The following BNC2 variants were observed in gnomAD, a reference collection of about 807,000 sequenced individuals.
BNC2 encodes the protein basonuclin zinc finger protein 2.
BNC2 carries 20 observed loss-of-function variants against 76.3 expected under a neutral mutation model. That is an observed-to-expected ratio of 0.26 (90% CI 0.18 to 0.38). BNC2 has a LOEUF of 0.38. BNC2 is among the 10% of genes least tolerant of loss of function. The pLI is 1.00. For synonymous variants in BNC2, 582 were observed against 514.8 expected (o/e 1.13, Z -1.77); for missense variants, 1,382 against 1,399.8 (o/e 0.99, Z 0.20).
chr9:16,732,397 AGTTCTATGTAAATATAT>A (rs1189139795), intron 2 of BNC2, among the ~76,000 whole-genome samples: 2 of 152,190 alleles, frequency 1.3e-5, no homozygotes, highest in African/African-American at 4.8e-5. Flanking sequence ...AACCTCATTG[AGTTCTATGTAAATATAT>A]ATGATTTTAT....
intron 4 of BNC2, among the ~76,000 whole-genome samples, chr9:16,555,950 G>C (rs892102358): frequency 5.9e-5 from 9 of 152,148 alleles, no homozygotes; most frequent in South Asian, 2.1e-4. Flanking sequence ...GTTATAGCAA[G>C]AAAGCAGCCA....
intron 2 of BNC2, among the ~76,000 whole-genome samples, chr9:16,732,913 AT>A (rs1241169079): frequency 6.6e-6 from 1 of 152,198 alleles, no homozygotes; most frequent in Non-Finnish European, 1.5e-5. Flanking sequence ...ATCCAATCTT[AT>A]ATGTGGACTC....
rs1817563139 is a variant in BNC2 at position 16,793,362 on chromosome 9, AT to A, written c.4-54878del. ...AACCATACAAACCAAACACGAATGT[AT>A]TTACCCCATCACACCTTTCATCAAG... On this transcript the variant is annotated intron_variant, in intron 1 of 6. Transcript: ENST00000380672. Among the ~76,000 whole-genome samples, 4 of 152,360 alleles carry A rather than the reference AT, an allele frequency of 2.6e-5. No individual in the cohort carries two copies. The South Asian group carries it at 8.3e-4, about 32-fold the overall frequency.
chr9:16,775,208 G>T (rs994466453), intron 1 of BNC2, among the ~76,000 whole-genome samples: 1 of 152,128 alleles, frequency 6.6e-6, no homozygotes, highest in Non-Finnish European at 1.5e-5. Context: ...TGATACTGAT[G>T]CATGCTCAAG....
At chr9:16,744,860 C>CT (rs1174140535) in intron 1 of BNC2, among the ~76,000 whole-genome samples, 2 of 152,224 alleles carry the variant, frequency 1.3e-5, no homozygotes, top group African/African-American at 4.8e-5. Flanking sequence ...ATCATGCCCA[C>CT]ATATGCAAAC....
chr9:16,810,291 CA>C lies in BNC2; in HGVS notation c.3+60354del, dbSNP rs528981650. Among the ~76,000 whole-genome samples, 8 of 152,294 alleles carry C rather than the reference CA, an allele frequency of 5.3e-5. No individual in the cohort carries two copies. The East Asian group carries it at 1.5e-3, about 29-fold the overall frequency. The stretch of plus-strand genomic sequence containing the variant: ...TTTTCTCCCCGTTCATTTACCTTGG[CA>C]GGGGTGGGGCTAGAAGCTGAGGTGA... On this transcript the variant is annotated intron_variant, in intron 1 of 6. Transcript: ENST00000380672.
At chr9:16,705,418 G>GC (rs1287324430) in intron 3 of BNC2, among the ~76,000 whole-genome samples, 2 of 152,116 alleles carry the variant, frequency 1.3e-5, no homozygotes, top group Non-Finnish European at 2.9e-5. Context: ...GCCTTATCCA[G>GC]CAACACCCTG....
chr9:16,732,622 G>C (rs1824549680), intron 2 of BNC2, among the ~76,000 whole-genome samples: 2 of 152,190 alleles, frequency 1.3e-5, no homozygotes, highest in African/African-American at 2.4e-5. Context: ...ACTGTTAACA[G>C]ATTCTATAAT....
At chr9:16,549,768 CA>C (rs1345601156) in intron 5 of BNC2, among the ~76,000 whole-genome samples, 1 of 151,712 alleles carries the variant, frequency 6.6e-6, no homozygotes, top group Non-Finnish European at 1.5e-5. Context: ...CTTTTTTTTC[CA>C]AACCGAGAAC....
At chr9:16,731,402 C>A (rs1016758882) in intron 2 of BNC2, among the ~76,000 whole-genome samples, 2 of 152,188 alleles carry the variant, frequency 1.3e-5, no homozygotes, top group African/African-American at 4.8e-5. Flanking sequence ...CTAGGTTTCA[C>A]TGCATCCAAG....
At chr9:16,599,360 C>G (rs1292620976) in intron 3 of BNC2, among the ~76,000 whole-genome samples, 1 of 152,234 alleles carries the variant, frequency 6.6e-6, no homozygotes, top group Non-Finnish European at 1.5e-5. Context: ...AATACTCTCT[C>G]TTGCTGCAAG....
At chr9:16,770,671 C>G (rs1315967362) in intron 1 of BNC2, among the ~76,000 whole-genome samples, 1 of 150,384 alleles carries the variant, frequency 6.6e-6, no homozygotes, top group African/African-American at 2.5e-5. Context: ...TTTTTTCCAG[C>G]ATGGGCAACA....
At chr9:16,864,502 G>A (rs1268220631) in intron 1 of BNC2, among the ~76,000 whole-genome samples, 1 of 152,158 alleles carries the variant, frequency 6.6e-6, no homozygotes, top group Non-Finnish European at 1.5e-5. Context: ...CCCCGCACAG[G>A]CAAATCTTGG....
At chr9:16,456,734 C>T (rs1251394065) in intron 5 of BNC2, among the ~76,000 whole-genome samples, 1 of 152,030 alleles carries the variant, frequency 6.6e-6, no homozygotes, top group Non-Finnish European at 1.5e-5. Flanking sequence ...TGGAGATAGA[C>T]ATGAAAAACT....
chr9:16,546,037 C>T (rs971009692), intron 5 of BNC2, among the ~76,000 whole-genome samples: 21 of 152,140 alleles, frequency 1.4e-4, no homozygotes, highest in East Asian at 5.8e-4. Flanking sequence ...TTGATACTAA[C>T]GCCTAAAATG....
intron 4 of BNC2, among the ~76,000 whole-genome samples, chr9:16,574,196 G>C (rs1377380770): frequency 6.6e-6 from 1 of 152,140 alleles, no homozygotes; most frequent in African/African-American, 2.4e-5. Flanking sequence ...AGTTAATTAA[G>C]ATGCTCCTAT....
chr9:16,539,684 AAGG>A (rs1818248426), intron 5 of BNC2, among the ~76,000 whole-genome samples: 1 of 97,448 alleles, frequency 1.0e-5, no homozygotes, highest in African/African-American at 5.5e-5. Context: ...GGGAGGAAGG[AAGG>A]AAGGGAGAAA....
At chr9:16,767,070 C>A (rs1825715014) in intron 1 of BNC2, among the ~76,000 whole-genome samples, 1 of 152,258 alleles carries the variant, frequency 6.6e-6, no homozygotes, top group South Asian at 2.1e-4. Flanking sequence ...ACCTAAGCAT[C>A]TCTGAACATT....
At chr9:16,724,094 G>C (rs1824245144) in intron 3 of BNC2, among the ~76,000 whole-genome samples, 1 of 151,848 alleles carries the variant, frequency 6.6e-6, no homozygotes, top group African/African-American at 2.4e-5. Flanking sequence ...ACCTTATTAA[G>C]GGATCTACAT....
Sources: gnomAD v4.1 joint callset for allele counts (sites outside exome capture counted in the v4.1 genomes callset) on GRCh38, gnomAD v4.1.1 for gene constraint, MANE v1.5 for transcripts, NCBI Gene and HGNC (gene_info 2026-07-23, HGNC 2026-07-21) for gene names.